The following PCDHA2 variants were observed in gnomAD, a reference collection of about 807,000 sequenced individuals.
PCDHA2 encodes the protein protocadherin alpha 2.
PCDHA2 carries 58 observed loss-of-function variants against 66.0 expected under a neutral mutation model. The observed-to-expected ratio is 0.88, with a 90% CI of 0.71 to 1.09. The LOEUF (loss-of-function observed/expected upper bound fraction) is 1.09. PCDHA2 is among the 50% of genes least tolerant of loss of function. The pLI, the probability that PCDHA2 is intolerant of heterozygous loss-of-function variation, is 0.00. For synonymous variants in PCDHA2, 634 were observed against 554.0 expected, an observed-to-expected ratio of 1.14 and a Z score of -2.03; for missense variants, 1,267 against 1,242.3, an observed-to-expected ratio of 1.02 and a Z score of -0.30.
chr5:140,857,665 G>C, intron 1 of PCDHA2: 1 of 1,596,910 alleles, frequency 6.3e-7, no homozygotes, highest in East Asian at 2.2e-5. Flanking sequence ...CGCGCGATGG[G>C]GGCGTGCCGC....
chr5:140,944,853 C>T (rs1230548858), intron 1 of PCDHA2, among the ~76,000 whole-genome samples: 1 of 152,118 alleles, frequency 6.6e-6, no homozygotes, highest in East Asian at 1.9e-4. Context: ...TTAGAATCAT[C>T]CTTATTTATC....
At chr5:140,995,608 C>G (rs543938511) in intron 3 of PCDHA2, among the ~76,000 whole-genome samples, 1 of 152,206 alleles carries the variant, frequency 6.6e-6, no homozygotes, top group East Asian at 1.9e-4. Flanking sequence ...TTTCTTCTCC[C>G]AAACCAAATA....
intron 1 of PCDHA2, chr5:140,843,148 T>C (rs2150353872): frequency 6.3e-7 from 1 of 1,596,056 alleles, no homozygotes; most frequent in South Asian, 1.1e-5. Flanking sequence ...GGCTTTCGTA[T>C]GAGCTGCAGC....
At chr5:140,862,980 C>T in intron 1 of PCDHA2, 1 of 545,508 alleles carries the variant, frequency 1.8e-6, no homozygotes, top group South Asian at 1.4e-5. Flanking sequence ...CACTTGGTGG[C>T]GAAGGTGCGC....
chr5:140,852,885 A>ATTT, intron 1 of PCDHA2: 1 of 778,088 alleles, frequency 1.3e-6, no homozygotes, highest in Non-Finnish European at 1.6e-6. Context: ...CATAAAACGT[A>ATTT]TTTTTTTTTT....
At chr5:140,844,621 AG>A (rs1779471115) in intron 1 of PCDHA2, among the ~76,000 whole-genome samples, 1 of 149,558 alleles carries the variant, frequency 6.7e-6, no homozygotes, top group Non-Finnish European at 1.5e-5. Flanking sequence ...TGTTTTCATC[AG>A]AAAAACTATA....
At chr5:140,815,650 A>G (rs1765775116) in intron 1 of PCDHA2, 1 of 152,012 alleles carries the variant, frequency 6.6e-6, no homozygotes, top group African/African-American at 2.4e-5. Flanking sequence ...GTTTTTATCT[A>G]TATATTTATC....
chr5:141,000,774 G>A (rs1399583734), intron 3 of PCDHA2, among the ~76,000 whole-genome samples: 1 of 151,828 alleles, frequency 6.6e-6, no homozygotes, highest in Non-Finnish European at 1.5e-5. Context: ...AGGCATAGTG[G>A]CGCACACCTG....
chr5:140,851,692 A>T, intron 1 of PCDHA2: 1 of 939,600 alleles, frequency 1.1e-6, no homozygotes, highest in Non-Finnish European at 1.3e-6. Flanking sequence ...TCAGTGATAA[A>T]ATGATCAGCC....
intron 1 of PCDHA2, chr5:140,842,622 C>T (rs2150340886): frequency 1.3e-6 from 2 of 1,579,180 alleles, no homozygotes; most frequent in East Asian, 2.2e-5. Flanking sequence ...GGCTCGCCTT[C>T]GCTGTGGGCC....
At chr5:140,862,241 T>C (rs1554155946) in intron 1 of PCDHA2, 3 of 213,712 alleles carry the variant, frequency 1.4e-5, no homozygotes, top group Non-Finnish European at 2.8e-5. Flanking sequence ...ACATCAATGA[T>C]AGTGTTCCAG....
intron 1 of PCDHA2, chr5:140,830,113 G>A: frequency 6.2e-7 from 1 of 1,613,562 alleles, no homozygotes; most frequent in African/African-American, 1.3e-5. Context: ...AGAGTGGCCA[G>A]GCTCCAAAGG....
In PCDHA2 at chr5:140,875,579, A is replaced by C. The variant is rs552791418; in HGVS notation, c.2388+78227A>C. ...AGCGGCCAGCTCCACTACTCCGTCTACGAGGAGGCCAAACACGGCACCTTC... is the reference window on the plus strand; with the variant it reads ...AGCGGCCAGCTCCACTACTCCGTCTCCGAGGAGGCCAAACACGGCACCTTC... On this transcript the variant is annotated intron_variant, in intron 1 of 3. Coordinates refer to ENST00000526136, the MANE Select transcript of PCDHA2 (RefSeq NM_018905.3). The C allele has an allele frequency of 9.3e-6, 15 of 1,614,050 alleles. No individual in the cohort carries two copies. Among genetic ancestry groups the C allele is most frequent in the East Asian group, 6.7e-5 (3 of 44,884 alleles).
In PCDHA2 at chr5:141,010,204, C is replaced by G. The variant is rs1238256859; in HGVS notation, c.*267C>G. ...GACCCAAGTTTCCTTTCTCCTCCGC[C>G]GCAAAGGAGAGGCTTCCCAGCCCCG... On this transcript the variant is annotated 3_prime_UTR_variant, in exon 4 of 4. Transcript: ENST00000526136. 1.3e-5 allele frequency: 20 copies of G among 1,551,852 alleles called. No homozygotes were observed. Among genetic ancestry groups the G allele is most frequent in the Non-Finnish European group, 1.7e-5 (20 of 1,147,056 alleles).
At chr5:140,942,821 G>A (rs2093373988) in intron 1 of PCDHA2, among the ~76,000 whole-genome samples, 1 of 151,968 alleles carries the variant, frequency 6.6e-6, no homozygotes, top group African/African-American at 2.4e-5. Flanking sequence ...GTTGGATTTG[G>A]CCCTGTGTCA....
At chr5:140,895,253 CT>C (rs1411327383) in intron 1 of PCDHA2, among the ~76,000 whole-genome samples, 2 of 151,968 alleles carry the variant, frequency 1.3e-5, no homozygotes, top group Non-Finnish European at 2.9e-5. Context: ...TCAAAGCTTT[CT>C]TTTTTTTCTT....
chr5:140,858,347 C>T lies in PCDHA2; in HGVS notation c.2388+60995C>T. ...TGGGGAGGGCCTGCCCAAGGCGGAC[C>T]TCATGGCCTTCAGCCCCAGCCTTCC... On this transcript the variant is annotated intron_variant, in intron 1 of 3. Transcript: ENST00000526136. 3 of 1,594,932 alleles carry T rather than the reference C, an allele frequency of 1.9e-6. No individual in the cohort carries two copies. The East Asian group carries it at 6.7e-5, about 36-fold the overall frequency.
chr5:140,883,313 G>T, intron 1 of PCDHA2: 1 of 1,614,118 alleles, frequency 6.2e-7, no homozygotes, highest in Non-Finnish European at 8.5e-7. Context: ...TAACGCCCCA[G>T]AGGTTACCAT....
At chr5:140,815,379 C>T (rs2126663847) in intron 1 of PCDHA2, 4 of 152,020 alleles carry the variant, frequency 2.6e-5, no homozygotes, top group Admixed American at 2.6e-4. Context: ...TTTGTGGTTA[C>T]CATGGGGCTT....
Sources: gnomAD v4.1 joint callset for allele counts (sites outside exome capture counted in the v4.1 genomes callset) on GRCh38, gnomAD v4.1.1 for gene constraint, MANE v1.5 for transcripts, NCBI Gene and HGNC (gene_info 2026-07-23, HGNC 2026-07-21) for gene names.